SEPTIN8: variants seen among roughly 807,000 people sequenced by gnomAD.
SEPTIN8 encodes the protein septin-8.
In SEPTIN8, 22 loss-of-function variants were observed where a neutral mutation model predicts 53.1. That is an observed-to-expected ratio of 0.41 (90% confidence interval 0.30 to 0.59). The LOEUF (loss-of-function observed/expected upper bound fraction) is 0.59. Ranked by LOEUF, SEPTIN8 falls within the 20% of genes least tolerant of loss-of-function variation. The pLI, the probability that SEPTIN8 is intolerant of heterozygous loss-of-function variation, is 0.24. For synonymous variants in SEPTIN8, 228 were observed against 248.4 expected, an observed-to-expected ratio of 0.92 and a Z score of 0.77; for missense variants, 536 against 638.7, an observed-to-expected ratio of 0.84 and a Z score of 1.73.
chr5:132,770,290 T>A (rs1198067191), intron 1 of SEPTIN8, among the ~76,000 whole-genome samples: 2 of 151,080 alleles, frequency 1.3e-5, no homozygotes, highest in Non-Finnish European at 2.9e-5. Context: ...GCAATTCTCA[T>A]GCCTCAGACT....
At chr5:132,759,598 G>C (rs1305173533) in intron 9 of SEPTIN8, among the ~76,000 whole-genome samples, 1 of 152,216 alleles carries the variant, frequency 6.6e-6, no homozygotes, top group Non-Finnish European at 1.5e-5. Flanking sequence ...ACAGACTCCC[G>C]CTGGCCCTAA....
chr5:132,756,096 A>G, intron 9 of SEPTIN8: 1 of 985,484 alleles, frequency 1.0e-6, no homozygotes, highest in Non-Finnish European at 1.2e-6. Context: ...AAATGAATTA[A>G]CACGTGAAGC....
intron 1 of SEPTIN8, among the ~76,000 whole-genome samples, chr5:132,770,542 G>A (rs887217064): frequency 6.6e-5 from 10 of 152,154 alleles, no homozygotes; most frequent in Non-Finnish European, 8.8e-5. Context: ...AATACAAACT[G>A]AGAATACCAT....
At chr5:132,758,333 TATTAAA>T (rs1419526790) in intron 9 of SEPTIN8, 1 of 1,393,374 alleles carries the variant, frequency 7.2e-7, no homozygotes, top group Non-Finnish European at 9.3e-7. Context: ...GTTTTAAAGT[TATTAAA>T]ATTAAGCTGT....
chr5:132,768,304 T>C (rs755141034), intron 1 of SEPTIN8, among the ~76,000 whole-genome samples: 100 of 151,648 alleles, frequency 6.6e-4, no homozygotes, highest in Non-Finnish European at 8.4e-4. Flanking sequence ...GGTATGAGTC[T>C]ATGGAGCATG....
chr5:132,759,368 A>G (rs1052627394), intron 9 of SEPTIN8, among the ~76,000 whole-genome samples: 4 of 152,060 alleles, frequency 2.6e-5, no homozygotes, highest in Non-Finnish European at 5.9e-5. Flanking sequence ...GAGACCAGAC[A>G]CCAGTGACAA....
upstream of SEPTIN8, chr5:132,777,707 G>A (rs1329085204): frequency 1.0e-6 from 1 of 985,532 alleles, no homozygotes; most frequent in Non-Finnish European, 1.2e-6. This position sits in a 1 kb window ranked among gnomAD's most constrained non-coding sequence, Gnocchi z 4.1. Context: ...GAGACCCGTC[G>A]GATCCGGGAG....
intron 9 of SEPTIN8, chr5:132,757,140 C>A (rs1011234583): frequency 1.0e-6 from 1 of 975,418 alleles, no homozygotes; most frequent in African/African-American, 1.8e-5. Flanking sequence ...ATCTTCAGGG[C>A]CCCTTCCAAG....
At chr5:132,774,426 T>G (rs1415111501) in intron 1 of SEPTIN8, among the ~76,000 whole-genome samples, 1 of 152,120 alleles carries the variant, frequency 6.6e-6, no homozygotes, top group African/African-American at 2.4e-5. Context: ...AGAGTCAAGG[T>G]TCCAGTTAGG....
At chr5:132,757,679 AT>A in intron 9 of SEPTIN8, 1 of 984,666 alleles carries the variant, frequency 1.0e-6, no homozygotes, top group Non-Finnish European at 1.2e-6. Context: ...TACATCTCCC[AT>A]TTTACCAGGC....
rs375877686 is a variant in SEPTIN8, at chr5:132,764,229, A to G, written c.342T>C (p.Asp114=). 1.7e-5 allele frequency: 28 copies of G among 1,611,710 alleles called. No individual in the cohort carries two copies. Among genetic ancestry groups the G allele is most frequent in the South Asian group, 3.3e-5 (3 of 90,818 alleles). ...CCGCCCTTCCCGCCTCTTGCCTCTCATCCTTATTGATCTGATCCCCAAAGC... is the reference window on the plus strand; with the variant it reads ...CCGCCCTTCCCGCCTCTTGCCTCTCGTCCTTATTGATCTGATCCCCAAAGC... ...AVGFGDQINK[D]ESYRPIVDYI... is the part of the protein sequence containing the mutation. The change falls in exon 3 of 10, where the codon GAT becomes GAC. Residue 114 remains aspartate, a synonymous_variant. Coordinates refer to ENST00000378719, the MANE Select transcript of SEPTIN8 (RefSeq NM_001098811.2).
At chr5:132,752,939 G>A (rs1754988852) in intron 9 of SEPTIN8, 1 of 1,614,126 alleles carries the variant, frequency 6.2e-7, no homozygotes, top group South Asian at 1.1e-5. Context: ...TCATCCTCCT[G>A]CACAGACAAC....
At chr5:132,759,692 A>G (rs1315360023) in intron 9 of SEPTIN8, among the ~76,000 whole-genome samples, 1 of 152,176 alleles carries the variant, frequency 6.6e-6, no homozygotes, top group African/African-American at 2.4e-5. Context: ...GATCCCGAGA[A>G]TGACGGCCAG....
rs1035755657 is a variant in SEPTIN8 at position 132,762,597 on chromosome 5, C to T, written c.583G>A (p.Glu195Lys). The change falls in exon 5 of 10, where the codon GAG (glutamate) becomes AAG (lysine). Residue 195 changes from glutamate (E) to lysine (K), a missense_variant. Physicochemically the swap from Glu to Lys is moderately conservative, Grantham distance 56 (BLOSUM62 1). Transcript: ENST00000378719. Reference protein sequence around the residue: ...IAKADTISKSELHKFKIKIMG... With the variant: ...IAKADTISKSKLHKFKIKIMG... The stretch of plus-strand genomic sequence containing the variant: ...ATCTTGATCTTGAACTTGTGGAGCT[C>T]GCTCTTGGAGATGGTGTCAGCCTTG... 56 of 1,614,102 alleles carry T rather than the reference C, an allele frequency of 3.5e-5. No individual in the cohort carries two copies. Among genetic ancestry groups the T allele is most frequent in the Middle Eastern group, 1.6e-4 (1 of 6,084 alleles).
intron 1 of SEPTIN8, among the ~76,000 whole-genome samples, chr5:132,772,543 G>A (rs1335220031): frequency 6.6e-6 from 1 of 152,214 alleles, no homozygotes; most frequent in Non-Finnish European, 1.5e-5. Flanking sequence ...GCCACGAGTG[G>A]TCTGGGTATC....
At chr5:132,770,709 C>T (rs867939904) in intron 1 of SEPTIN8, among the ~76,000 whole-genome samples, 67 of 152,274 alleles carry the variant, frequency 4.4e-4, no homozygotes, top group African/African-American at 1.5e-3. Context: ...GGGGAGGAGC[C>T]TTCAGGCAGG....
intron 1 of SEPTIN8, among the ~76,000 whole-genome samples, chr5:132,769,973 CTATATATACATA>C (rs1371696540): frequency 2.2e-5 from 2 of 92,034 alleles, no homozygotes; most frequent in African/African-American, 8.4e-5. Context: ...AAATCTCTCT[CTATATATACATA>C]TATATATATA....
intron 1 of SEPTIN8, among the ~76,000 whole-genome samples, chr5:132,770,133 GTGTA>G (rs1757156753): frequency 2.3e-5 from 2 of 85,458 alleles, no homozygotes; most frequent in Non-Finnish European, 3.7e-5. Flanking sequence ...ATGTATATAT[GTGTA>G]TGTGTGTGTA....
At chr5:132,779,955 G>A (rs1758017961), upstream of SEPTIN8, among the ~76,000 whole-genome samples, 1 of 152,190 alleles carries the variant, frequency 6.6e-6, no homozygotes, top group Non-Finnish European at 1.5e-5. Context: ...ACATTGTCCA[G>A]GTAGGTAGTC....
Sources: allele counts gnomAD v4.1 joint callset (sites outside exome capture counted in the v4.1 genomes callset), GRCh38; gene constraint gnomAD v4.1.1; non-coding constraint Gnocchi (gnomAD v3.1); transcripts MANE v1.5; gene names NCBI Gene and HGNC (gene_info 2026-07-23, HGNC 2026-07-21).